PRUNE2: variants seen among roughly 807,000 people sequenced by gnomAD.
PRUNE2 encodes prune homolog 2 with BCH domain, also known as protein prune homolog 2.
Under a neutral mutation model 252.0 loss-of-function variants are expected in PRUNE2, and 164 were observed. The observed-to-expected ratio is 0.65, with a 90% confidence interval of 0.57 to 0.74. The LOEUF (loss-of-function observed/expected upper bound fraction) is 0.74, where lower values mean the gene tolerates loss of function less well. Among genes scored for constraint, PRUNE2 ranks in the 30% least tolerant of loss-of-function variants. The pLI is 0.00. For synonymous variants in PRUNE2, 1,292 were observed against 1,350.2 expected, an observed-to-expected ratio of 0.96 and a Z score of 0.94; for missense variants, 3,495 against 3,711.0, an observed-to-expected ratio of 0.94 and a Z score of 1.51.
At position 76,614,555 on chromosome 9, in the gene PRUNE2, T is replaced by C. The variant is rs1214781960; in HGVS notation, c.*15A>G. ...CATGAACCAGAAAAGCATCCTCTTC[T>C]TCCAGCATGGCCAACTAAGGCTTTT... On this transcript the variant is annotated 3_prime_UTR_variant, in exon 19 of 19. Coordinates refer to ENST00000376718, the MANE Select transcript of PRUNE2 (RefSeq NM_015225.3). The C allele has an allele frequency of 1.2e-6, 2 of 1,607,918 alleles. No homozygotes were observed. Among genetic ancestry groups the C allele is most frequent in the Admixed American group, 1.7e-5 (1 of 59,938 alleles).
chr9:76,838,408 G>T (rs994174108), intron 4 of PRUNE2, among the ~76,000 whole-genome samples: 1 of 151,928 alleles, frequency 6.6e-6, no homozygotes, highest in Admixed American at 6.6e-5. Flanking sequence ...ACTTTGGGGG[G>T]CCGAGGCAGG....
chr9:76,626,269 G>A (rs1834713213), intron 16 of PRUNE2, among the ~76,000 whole-genome samples: 1 of 152,192 alleles, frequency 6.6e-6, no homozygotes. Flanking sequence ...TTTGGTTCTA[G>A]GTTGGGCAAG....
intron 4 of PRUNE2, among the ~76,000 whole-genome samples, chr9:76,837,452 A>ATAATAATAATAAT (rs2059078412): frequency 1.6e-5 from 1 of 63,666 alleles, no homozygotes; most frequent in Admixed American, 2.1e-4. Flanking sequence ...AATAATAATA[A>ATAATAATAATAAT]TAATAATAAT....
intron 6 of PRUNE2, among the ~76,000 whole-genome samples, chr9:76,813,076 T>G (rs896332192): frequency 3.3e-5 from 5 of 152,216 alleles, no homozygotes; most frequent in Non-Finnish European, 7.3e-5. Context: ...ATGATATACT[T>G]CTGCACATCT....
chr9:76,626,710 G>A lies in PRUNE2; in HGVS notation c.9150-2220C>T, dbSNP rs550712090. ...TGGAGAGTCTCTAAAAGCAACAGGTGTAACAATAAATAAGATTCTGGATTG... is the reference window on the plus strand; with the variant it reads ...TGGAGAGTCTCTAAAAGCAACAGGTATAACAATAAATAAGATTCTGGATTG... On this transcript the variant is annotated intron_variant, in intron 16 of 18. Coordinates refer to ENST00000376718, the MANE Select transcript of PRUNE2 (RefSeq NM_015225.3). 6.0e-4 allele frequency among the ~76,000 whole-genome samples: 92 copies of A among 152,304 alleles called. 2 individuals are homozygous for A. In the Middle Eastern group the frequency reaches 0.014, roughly 23 times the overall value.
In PRUNE2 at chr9:76,627,036, C is replaced by G. The variant is rs540983923; in HGVS notation, c.9149+2156G>C. ...GGAAAGTGGTCAATGCTCAATTCCA[C>G]TAGAAGAGAGAATGTCCTTGTCATC... On this transcript the variant is annotated intron_variant, in intron 16 of 18. Transcript: ENST00000376718. Among the ~76,000 whole-genome samples, 9 of 152,202 alleles carry G rather than the reference C, an allele frequency of 5.9e-5. No individual in the cohort carries two copies. The South Asian group carries it at 1.9e-3, about 32-fold the overall frequency.
chr9:76,642,171 CCT>C, intron 12 of PRUNE2, among the ~76,000 whole-genome samples: 1 of 151,902 alleles, frequency 6.6e-6, no homozygotes, highest in Non-Finnish European at 1.5e-5. Flanking sequence ...CATTCAAACC[CCT>C]CTTTGCTTTT....
chr9:76,615,021 A>G, intron 18 of PRUNE2: 7 of 822,928 alleles, frequency 8.5e-6, no homozygotes, highest in Non-Finnish European at 1.0e-5. Flanking sequence ...ACTAAATAGT[A>G]AGAAATGGTA....
intron 1 of PRUNE2, chr9:76,862,404 CAT>C: frequency 6.6e-6 from 1 of 152,224 alleles, no homozygotes. Context: ...CTCCTATGAA[CAT>C]ATGTCTAGGT....
In PRUNE2 at chr9:76,706,103, A is replaced by T. The variant is rs975568397; in HGVS notation, c.6171T>A (p.Phe2057Leu). Residue 2057 changes from phenylalanine to leucine, a missense_variant, in exon 8 of 19, where the codon TTT becomes TTA. Transcript: ENST00000376718. ...CAGAGGCCAGCTGCCCACCCTCTTG[A>T]AAGTTGCCATGTAAAATATCTGGCA... ...TFVPDILHGN[F>L]QEGGQLASAA... 2.5e-6 allele frequency: 4 copies of T among 1,613,912 alleles called. No homozygotes were observed. In the Admixed American group the frequency reaches 6.7e-5, roughly 27 times the overall value.
intron 3 of PRUNE2, among the ~76,000 whole-genome samples, chr9:76,847,053 G>A (rs896989782): frequency 1.9e-4 from 29 of 152,198 alleles, no homozygotes; most frequent in African/African-American, 6.3e-4. Flanking sequence ...CAGGCTGGGC[G>A]CGGTGGCTCA....
Position 76,624,459 on chromosome 9 carries a change from C to A in PRUNE2, c.9181G>T (p.Ala3061Ser). 7.0e-7 allele frequency: 1 copy of A among 1,429,188 alleles called. No individual in the cohort carries two copies. The highest frequency in any genetic ancestry group is 9.2e-7 in the Non-Finnish European group (1 of 1,086,290). The allele number at this position is 1,429,188 out of a possible 1,614,324, so 88.5% of individuals were successfully genotyped here. ...ACGAAAACCAAGTCTTACTTAGCTG[C>A]CTCTGATGCTTCCCTCAGTTCTTCA... Reference protein sequence around the residue: ...LDEELREASEAAKTSCLYNDP... With the variant: ...LDEELREASESAKTSCLYNDP... The change falls in exon 17 of 19, where the codon GCA becomes TCA. Residue 3061 changes from alanine to serine, a missense_variant. Coordinates refer to ENST00000376718, the MANE Select transcript of PRUNE2 (RefSeq NM_015225.3).
At chr9:76,621,851 A>G (rs1373273234) in intron 17 of PRUNE2, among the ~76,000 whole-genome samples, 2 of 151,542 alleles carry the variant, frequency 1.3e-5, no homozygotes, top group African/African-American at 4.9e-5. Context: ...TTGGCTAATT[A>G]AAAAAATTTT....
At chr9:76,832,233 A>G (rs2058710640) in intron 4 of PRUNE2, among the ~76,000 whole-genome samples, 1 of 152,162 alleles carries the variant, frequency 6.6e-6, no homozygotes, top group African/African-American at 2.4e-5. Context: ...AAAAATATAG[A>G]ACGTTTGACC....
intron 18 of PRUNE2, among the ~76,000 whole-genome samples, chr9:76,618,476 G>A (rs1215128643): frequency 1.3e-5 from 2 of 152,146 alleles, no homozygotes; most frequent in South Asian, 2.1e-4. Flanking sequence ...GCTCCTTGTC[G>A]GATGACCAAG....
At chr9:76,657,364 T>A (rs1313381190) in intron 9 of PRUNE2, among the ~76,000 whole-genome samples, 2 of 152,236 alleles carry the variant, frequency 1.3e-5, no homozygotes, top group African/African-American at 4.8e-5. Context: ...GATATCAGAT[T>A]TCTATCTGCC....
chr9:76,853,072 T>C (rs1019796005), intron 2 of PRUNE2, among the ~76,000 whole-genome samples: 1 of 152,206 alleles, frequency 6.6e-6, no homozygotes, highest in Non-Finnish European at 1.5e-5. Flanking sequence ...AATATGCATG[T>C]CTTAACAGAG....
intron 9 of PRUNE2, among the ~76,000 whole-genome samples, chr9:76,675,366 T>TATC (rs1564001756): frequency 2.0e-5 from 1 of 50,180 alleles, no homozygotes; most frequent in Non-Finnish European, 5.1e-5. Context: ...CACAATGAGA[T>TATC]ACCATCTCAC....
At chr9:76,756,834 C>G (rs951941804) in intron 6 of PRUNE2, among the ~76,000 whole-genome samples, 3 of 151,844 alleles carry the variant, frequency 2.0e-5, no homozygotes, top group African/African-American at 7.3e-5. Flanking sequence ...TGTTCCCCAC[C>G]CACCCTGCCC....
Sources: gnomAD v4.1 joint callset for allele counts (sites outside exome capture counted in the v4.1 genomes callset) on GRCh38, gnomAD v4.1.1 for gene constraint, MANE v1.5 for transcripts, NCBI Gene and HGNC (gene_info 2026-07-23, HGNC 2026-07-21) for gene names.